Variants in PTPRM observed in about 807,000 individuals in gnomAD.
The protein encoded by PTPRM is receptor-type tyrosine-protein phosphatase mu.
In PTPRM, 47 loss-of-function variants were observed where a neutral mutation model predicts 186.7. That is an observed-to-expected ratio of 0.25 (90% CI 0.20 to 0.32). PTPRM has a LOEUF of 0.32. Ranked by LOEUF, PTPRM falls within the 10% of genes least tolerant of loss-of-function variation. The pLI is 1.00. For synonymous variants in PTPRM, 668 were observed against 674.9 expected, an observed-to-expected ratio of 0.99 and a Z score of 0.16; for missense variants, 1,494 against 1,865.0, an observed-to-expected ratio of 0.80 and a Z score of 3.66.
chr18:8,017,927 G>A (rs1466101653), intron 7 of PTPRM: 15 of 152,172 alleles, frequency 9.9e-5, no homozygotes, highest in Admixed American at 7.2e-4. Flanking sequence ...GGAGCTTACA[G>A]CCTTAAAAAG....
intron 1 of PTPRM, among the ~76,000 whole-genome samples, chr18:7,587,595 A>G (rs571053033): frequency 2.0e-4 from 31 of 152,252 alleles, no homozygotes; most frequent in South Asian, 6.2e-4. Context: ...AGATTTCCTC[A>G]ATGACTGTTA....
intron 1 of PTPRM, among the ~76,000 whole-genome samples, chr18:7,616,446 A>G (rs1413666686): frequency 6.6e-6 from 1 of 152,102 alleles, no homozygotes; most frequent in Non-Finnish European, 1.5e-5. Context: ...GGTGTTTCAG[A>G]CATGCCACAA....
chr18:7,757,570 T>C (rs1408188115), intron 1 of PTPRM, among the ~76,000 whole-genome samples: 5 of 152,166 alleles, frequency 3.3e-5, no homozygotes, highest in African/African-American at 1.2e-4. Context: ...GCAGTAAGCC[T>C]CTGGGGCTCA....
At chr18:8,051,008 C>T (rs777663287) in intron 7 of PTPRM, among the ~76,000 whole-genome samples, 1 of 152,118 alleles carries the variant, frequency 6.6e-6, no homozygotes, top group Non-Finnish European at 1.5e-5. Flanking sequence ...GAACCAAGGT[C>T]TAGTTTCAGG....
intron 2 of PTPRM, among the ~76,000 whole-genome samples, chr18:7,779,219 A>G (rs7234397): frequency 0.016 from 2,421 of 152,328 alleles, 43 homozygotes; most frequent in African/African-American, 0.049. Context: ...AAAGGCTGTA[A>G]TTAAGTGAAA....
chr18:7,871,332 A>T (rs2047973375), intron 2 of PTPRM, among the ~76,000 whole-genome samples: 2 of 152,354 alleles, frequency 1.3e-5, no homozygotes, highest in South Asian at 4.1e-4. Flanking sequence ...TCTCAGTGAC[A>T]GTCCAGTTCA....
intron 5 of PTPRM, among the ~76,000 whole-genome samples, chr18:7,946,255 A>G (rs1320721020): frequency 6.6e-6 from 1 of 152,220 alleles, no homozygotes; most frequent in East Asian, 1.9e-4. Flanking sequence ...GTTTTTGAAT[A>G]AACATTCTTT....
intron 2 of PTPRM, among the ~76,000 whole-genome samples, chr18:7,802,421 C>G (rs1479793323): frequency 2.0e-5 from 3 of 152,154 alleles, no homozygotes; most frequent in African/African-American, 7.2e-5. Flanking sequence ...GTTGTTGGAA[C>G]TCCAGAGGGT....
chr18:7,625,913 T>G (rs530261796), intron 1 of PTPRM, among the ~76,000 whole-genome samples: 1 of 152,282 alleles, frequency 6.6e-6, no homozygotes, highest in South Asian at 2.1e-4. Context: ...CAGTTACTAG[T>G]GGTCAGTGTG....
chr18:7,637,778 A>G (rs2038353515), intron 1 of PTPRM, among the ~76,000 whole-genome samples: 1 of 152,228 alleles, frequency 6.6e-6, no homozygotes, highest in African/African-American at 2.4e-5. Flanking sequence ...CAAATATTGA[A>G]TACTATGTTT....
rs1457136435 is a variant in PTPRM at position 7,668,062 on chromosome 18, T to C, written c.73+100171T>C. Among the ~76,000 whole-genome samples, 1 of 152,202 alleles carries C rather than the reference T, an allele frequency of 6.6e-6. No homozygotes were observed. Among genetic ancestry groups the C allele is most frequent in the Non-Finnish European group, 1.5e-5 (1 of 68,032 alleles). On this transcript the variant is annotated intron_variant, in intron 1 of 32. Coordinates refer to ENST00000580170, the MANE Select transcript of PTPRM (RefSeq NM_001105244.2). This position sits in a 1 kb window ranked among gnomAD's most constrained non-coding sequence, Gnocchi z 4.7. ...AGGTTGGAAGTCCCAGGGTTCATAG[T>C]GTCCCCCGTTTTTTATTTTTATGGT... is the stretch of plus-strand genomic sequence containing the variant.
At chr18:7,707,588 AT>A (rs1165198945) in intron 1 of PTPRM, among the ~76,000 whole-genome samples, 2 of 152,094 alleles carry the variant, frequency 1.3e-5, no homozygotes, top group African/African-American at 4.8e-5. Context: ...ACGGTGGGCT[AT>A]GATCATGCAA....
At chr18:7,866,677 G>A (rs776133401) in intron 2 of PTPRM, among the ~76,000 whole-genome samples, 2 of 152,188 alleles carry the variant, frequency 1.3e-5, no homozygotes, top group Non-Finnish European at 2.9e-5. Flanking sequence ...ATTTGGGGTG[G>A]AGAGTTCTGT....
intron 7 of PTPRM, among the ~76,000 whole-genome samples, chr18:8,056,698 C>A (rs747354906): frequency 2.6e-5 from 4 of 151,150 alleles, no homozygotes; most frequent in Non-Finnish European, 5.9e-5. Flanking sequence ...ACTTTAAGAT[C>A]TGTCCTTCGG....
chr18:7,576,517 G>A (rs1025207566), intron 1 of PTPRM, among the ~76,000 whole-genome samples: 1 of 152,074 alleles, frequency 6.6e-6, no homozygotes, highest in Admixed American at 6.6e-5. Context: ...CATCCAGGCT[G>A]GAGTGCAGTG....
intron 31 of PTPRM, among the ~76,000 whole-genome samples, chr18:8,392,637 A>G (rs2095821783): frequency 1.3e-5 from 2 of 152,036 alleles, no homozygotes; most frequent in African/African-American, 4.8e-5. Context: ...AAAAAAAAAA[A>G]AGGTCCCTTA....
At chr18:8,239,957 A>C (rs1199063805) in intron 14 of PTPRM, among the ~76,000 whole-genome samples, 2 of 152,226 alleles carry the variant, frequency 1.3e-5, no homozygotes, top group African/African-American at 4.8e-5. Flanking sequence ...ATTTGTTGTA[A>C]ATCAAAATGG....
chr18:8,240,390 C>T (rs989009080), intron 14 of PTPRM, among the ~76,000 whole-genome samples: 8 of 146,414 alleles, frequency 5.5e-5, no homozygotes, highest in African/African-American at 1.0e-4. Context: ...GAGCCGAGAT[C>T]GCACCACTGC....
chr18:7,810,388 TAGCC>T (rs2044448508), intron 2 of PTPRM, among the ~76,000 whole-genome samples: 1 of 152,248 alleles, frequency 6.6e-6, no homozygotes, highest in East Asian at 1.9e-4. Flanking sequence ...TCATTATGAA[TAGCC>T]TGGGGATGCA....
Sources: allele counts gnomAD v4.1 joint callset (sites outside exome capture counted in the v4.1 genomes callset), GRCh38; gene constraint gnomAD v4.1.1; non-coding constraint Gnocchi (gnomAD v3.1); transcripts MANE v1.5; gene names NCBI Gene and HGNC (gene_info 2026-07-23, HGNC 2026-07-21).